The following PRICKLE2 variants were observed in gnomAD, a reference collection of about 807,000 sequenced individuals.
The protein encoded by PRICKLE2 is prickle-like protein 2.
PRICKLE2 carries 21 observed loss-of-function variants against 81.4 expected under a neutral mutation model. That is an observed-to-expected ratio of 0.26 (90% CI 0.18 to 0.37). PRICKLE2 has a LOEUF of 0.37. Among genes scored for constraint, PRICKLE2 ranks in the 10% least tolerant of loss-of-function variants. PRICKLE2 has a pLI of 1.00. For synonymous variants in PRICKLE2, 456 were observed against 421.5 expected, an observed-to-expected ratio of 1.08 and a Z score of -1.00; for missense variants, 940 against 1,109.0, an observed-to-expected ratio of 0.85 and a Z score of 2.16.
At chr3:64,262,569 G>A (rs1240767803) in intron 2 of PRICKLE2, among the ~76,000 whole-genome samples, 1 of 151,662 alleles carries the variant, frequency 6.6e-6, no homozygotes, top group African/African-American at 2.4e-5. Context: ...CAACAAGGGA[G>A]CAATAAAGAT....
At chr3:64,160,104 A>G in intron 3 of PRICKLE2, 27 bp from the exon 4 acceptor site, 1 of 1,610,880 alleles carries the variant, frequency 6.2e-7, no homozygotes. Context: ...AATGGCATGG[A>G]AAAAGTCACC....
rs775966748 is a variant in PRICKLE2, at chr3:64,148,566, G to T, written c.788-864C>A. Among the ~76,000 whole-genome samples the T allele has an allele frequency of 2.4e-4, 36 of 152,182 alleles. 1 individual carries two copies. Among genetic ancestry groups the T allele is most frequent in the Non-Finnish European group, 2.2e-4 (15 of 68,044 alleles). ...ATGGGTAAGTCACAGCAGCAACTCA[G>T]TGGATGCTATGGTGAATGTTTTCTT... On this transcript the variant is annotated intron_variant, in intron 6 of 7. Transcript: ENST00000638394.
In PRICKLE2 at chr3:64,251,979, T is replaced by C. The variant is rs534321744; in HGVS notation, c.129-53012A>G. On this transcript the variant is annotated intron_variant, in intron 2 of 8. Transcript: ENST00000295902. ...ACCTAAGGATGGGGGCTTCTTGCCA[T>C]TTGCACATAGACATCATTTACTGCC... 7.2e-5 allele frequency among the ~76,000 whole-genome samples: 11 copies of C among 152,278 alleles called. 1 individual carries two copies. In the South Asian group the frequency reaches 2.1e-3, roughly 29 times the overall value.
At chr3:64,141,931 A>G (rs1383724919) in intron 7 of PRICKLE2, 1 of 984,990 alleles carries the variant, frequency 1.0e-6, no homozygotes. Context: ...TGTGGCACGT[A>G]CCTGGTATTC....
chr3:64,204,620 A>AG (rs558233050), intron 1 of PRICKLE2, among the ~76,000 whole-genome samples: 1 of 151,896 alleles, frequency 6.6e-6, no homozygotes. Context: ...AAAACCAAGG[A>AG]GGGGGGAAGA....
intron 6 of PRICKLE2, among the ~76,000 whole-genome samples, chr3:64,149,882 A>G (rs1575592251): frequency 6.9e-6 from 1 of 144,004 alleles, no homozygotes; most frequent in South Asian, 2.4e-4. Context: ...CTAAGAGGGG[A>G]TTTTTTTTTA....
intron 7 of PRICKLE2, 69 bp downstream of exon 7, chr3:64,146,761 T>TG (rs2077461521): frequency 1.3e-6 from 2 of 1,559,570 alleles, no homozygotes; most frequent in Non-Finnish European, 1.7e-6. Context: ...AAAAAATTCC[T>TG]GGGGACCAGC....
chr3:64,121,021 C>A (rs186059749), intron 7 of PRICKLE2, among the ~76,000 whole-genome samples: 71 of 152,328 alleles, frequency 4.7e-4, no homozygotes, highest in Non-Finnish European at 8.8e-4. Context: ...TCTCCAATCT[C>A]TGTCTCAGCC....
rs183497503 is a variant in PRICKLE2 at position 64,143,466 on chromosome 3, G to A, written c.1660+3364C>T. Among the ~76,000 whole-genome samples the A allele has an allele frequency of 1.2e-4, 18 of 152,230 alleles. No individual in the cohort carries two copies. In the East Asian group the frequency reaches 2.1e-3, roughly 18 times the overall value. On this transcript the variant is annotated intron_variant, in intron 7 of 7. Transcript: ENST00000638394. ...GATGTCTTCTTTAGGAATGGAAACC[G>A]CGTCCACTCCCTCCTTAGGAATGGA...
chr3:64,102,754 A>G (rs1283774285), intron 7 of PRICKLE2: 1 of 152,232 alleles, frequency 6.6e-6, no homozygotes. Flanking sequence ...GACTGCCTCT[A>G]TAAAGGATAA....
chr3:64,180,683 C>T (rs530878425), intron 2 of PRICKLE2, among the ~76,000 whole-genome samples: 7 of 152,274 alleles, frequency 4.6e-5, no homozygotes, highest in African/African-American at 1.7e-4. Context: ...CAGGCATGTG[C>T]CACCACATCC....
Position 64,159,987 on chromosome 3 carries a change from T to A in PRICKLE2, c.349A>T (p.Asn117Tyr), listed in dbSNP as rs1259847060. The A allele has an allele frequency of 6.2e-7, 1 of 1,613,998 alleles. No individual in the cohort carries two copies. The highest frequency in any genetic ancestry group is 8.5e-7 in the Non-Finnish European group (1 of 1,180,022). The change falls in exon 4 of 8, where the codon AAT (asparagine) becomes TAT (tyrosine). Residue 117 changes from asparagine (N) to tyrosine (Y), a missense_variant. Coordinates refer to ENST00000638394, the MANE Select transcript of PRICKLE2 (RefSeq NM_198859.4). Reference sequence around the variant, plus strand: ...ATGGTGACTGGGAAAGGCCTGACATTCCCGCGGCCCAAGTTTTCGCGTTTC... The same window carrying A: ...ATGGTGACTGGGAAAGGCCTGACATACCCGCGGCCCAAGTTTTCGCGTTTC... ...QRKRENLGRG[N>Y]VRPFPVTMTG... is the part of the protein sequence containing the mutation.
intron 1 of PRICKLE2, among the ~76,000 whole-genome samples, chr3:64,201,955 T>C (rs1372926523): frequency 1.3e-5 from 2 of 152,220 alleles, no homozygotes; most frequent in African/African-American, 4.8e-5. Flanking sequence ...CTCATGTGGC[T>C]ATCCAGTTCT....
chr3:64,246,056 C>T (rs1404061035), intron 2 of PRICKLE2, among the ~76,000 whole-genome samples: 1 of 152,008 alleles, frequency 6.6e-6, no homozygotes, highest in Admixed American at 6.6e-5. Flanking sequence ...ACCAGCCTGG[C>T]CAACATGGCA....
intron 7 of PRICKLE2, among the ~76,000 whole-genome samples, chr3:64,134,620 T>A (rs1446424949): frequency 7.4e-6 from 1 of 134,556 alleles, no homozygotes; most frequent in Non-Finnish European, 1.7e-5. Flanking sequence ...GCCTCCAAAC[T>A]TCGAAGTGTT....
intron 7 of PRICKLE2, among the ~76,000 whole-genome samples, chr3:64,134,623 G>T (rs987431582): frequency 8.1e-5 from 11 of 135,012 alleles, no homozygotes; most frequent in African/African-American, 2.6e-4. Flanking sequence ...TCCAAACTTC[G>T]AAGTGTTCCC....
At chr3:64,173,200 A>G (rs1166976522) in intron 2 of PRICKLE2, among the ~76,000 whole-genome samples, 1 of 152,242 alleles carries the variant, frequency 6.6e-6, no homozygotes, top group African/African-American at 2.4e-5. Flanking sequence ...CACTACAAAG[A>G]TTCAATAAAA....
chr3:64,187,418 A>G (rs965680975), intron 2 of PRICKLE2: 4 of 152,146 alleles, frequency 2.6e-5, no homozygotes, highest in African/African-American at 9.7e-5. Context: ...TTCCCAACTC[A>G]TCTCTCAAAC....
chr3:64,114,534 C>T lies in PRICKLE2; in HGVS notation c.1661-14609G>A, dbSNP rs925881634. On this transcript the variant is annotated intron_variant, in intron 7 of 7. Coordinates refer to ENST00000638394, the MANE Select transcript of PRICKLE2 (RefSeq NM_198859.4). ...CCAATATAGAGAAAAACATAACTGA[C>T]CTTAGAGAGCTAAAAAAACCCATTA... Among the ~76,000 whole-genome samples the T allele has an allele frequency of 2.8e-4, 43 of 152,004 alleles. 1 individual carries two copies. Among genetic ancestry groups the T allele is most frequent in the Admixed American group, 1.4e-3 (21 of 15,268 alleles).
Sources: gnomAD v4.1 joint callset for allele counts (sites outside exome capture counted in the v4.1 genomes callset) on GRCh38, gnomAD v4.1.1 for gene constraint, MANE v1.5 for transcripts, NCBI Gene and HGNC (gene_info 2026-07-23, HGNC 2026-07-21) for gene names.